CCDC178: variants seen among roughly 807,000 people sequenced by gnomAD.
CCDC178 encodes coiled-coil domain containing 178.
Under a neutral mutation model 117.4 loss-of-function variants are expected in CCDC178, and 126 were observed. That is an observed-to-expected ratio of 1.07 (90% CI 0.93 to 1.24). The LOEUF is 1.24. Among genes scored for constraint, CCDC178 ranks in the 50% most tolerant of loss-of-function variants. CCDC178 has a pLI of 0.00. For missense variants in CCDC178, 1,030 were observed against 986.9 expected, an observed-to-expected ratio of 1.04 and a Z score of -0.59; for synonymous variants, 283 against 313.4, an observed-to-expected ratio of 0.90 and a Z score of 1.02.
At chr18:33,361,582 A>G (rs1173694651) in intron 6 of CCDC178, among the ~76,000 whole-genome samples, 3 of 151,868 alleles carry the variant, frequency 2.0e-5, no homozygotes, top group Non-Finnish European at 2.9e-5. Flanking sequence ...AGTTAATATG[A>G]AAAATGTATT....
chr18:33,240,441 G>T (rs1272513506), intron 15 of CCDC178, among the ~76,000 whole-genome samples: 1 of 151,638 alleles, frequency 6.6e-6, no homozygotes, highest in Non-Finnish European at 1.5e-5. Flanking sequence ...AAAAGTCGAT[G>T]TTTTGAGAAA....
At chr18:33,007,190 A>G (rs1414114957) in intron 21 of CCDC178, among the ~76,000 whole-genome samples, 2 of 152,108 alleles carry the variant, frequency 1.3e-5, no homozygotes, top group Non-Finnish European at 2.9e-5. Flanking sequence ...CTATGTTCAC[A>G]GAATTTATAA....
chr18:33,113,436 T>C lies in CCDC178; in HGVS notation c.2239-20526A>G, dbSNP rs563166349. Among the ~76,000 whole-genome samples, 7 of 152,098 alleles carry C rather than the reference T, an allele frequency of 4.6e-5. 1 individual carries two copies. The South Asian group carries it at 1.5e-3, about 32-fold the overall frequency. On this transcript the variant is annotated intron_variant, in intron 20 of 22. Coordinates refer to ENST00000383096, the MANE Select transcript of CCDC178 (RefSeq NM_001105528.4). The stretch of plus-strand genomic sequence containing the variant: ...GGGGTTAAAATCTTAAATAAAAACT[T>C]TGGAATCAATAAAATAATTTCTGAG...
At position 33,223,102 on chromosome 18, in the gene CCDC178, T is replaced by C. The variant is rs1381069910; in HGVS notation, c.1932+4A>G. On this transcript the variant is annotated splice_donor_region_variant and intron_variant, in intron 18 of 22. Transcript: ENST00000383096. Reference sequence around the variant, plus strand: ...AAAATTAGATTCTGAACTTAAATTCTTACCTCAGTTTCTATTAATGCATCA... The same window carrying C: ...AAAATTAGATTCTGAACTTAAATTCCTACCTCAGTTTCTATTAATGCATCA... The C allele has an allele frequency of 4.4e-6, 7 of 1,577,004 alleles. No homozygotes were observed. Among genetic ancestry groups the C allele is most frequent in the African/African-American group, 1.4e-5 (1 of 73,272 alleles).
chr18:33,139,986 T>C (rs950619730), intron 20 of CCDC178, among the ~76,000 whole-genome samples: 9 of 152,090 alleles, frequency 5.9e-5, no homozygotes, highest in African/African-American at 2.2e-4. Context: ...GTGTCCCAGC[T>C]ACTCCAGCTG....
At chr18:33,408,365 G>T (rs2063809462) in intron 3 of CCDC178, among the ~76,000 whole-genome samples, 1 of 151,872 alleles carries the variant, frequency 6.6e-6, no homozygotes, top group Non-Finnish European at 1.5e-5. Context: ...CCAGCCTAGT[G>T]ATAGAGAAGA....
intron 20 of CCDC178, among the ~76,000 whole-genome samples, chr18:33,140,632 C>G (rs1487493321): frequency 1.3e-5 from 2 of 152,126 alleles, no homozygotes; most frequent in Non-Finnish European, 2.9e-5. Flanking sequence ...AATGTCTGTA[C>G]CCCCATTGTA....
intron 20 of CCDC178, among the ~76,000 whole-genome samples, chr18:33,184,683 T>C (rs8082980): frequency 0.046 from 6,961 of 152,080 alleles, 234 homozygotes; most frequent in East Asian, 0.11. Context: ...CTACAGGATT[T>C]TGTTTAATGA....
At position 33,025,884 on chromosome 18, in the gene CCDC178, G is replaced by A. The variant is rs8095965; in HGVS notation, c.2389-51203C>T. ...ATTGTACTCTCAGGCATTCGTCCCA[G>A]AGAAGTGACATGTTCACACAAAACC... On this transcript the variant is annotated intron_variant, in intron 21 of 22. Coordinates refer to ENST00000383096, the MANE Select transcript of CCDC178 (RefSeq NM_001105528.4). Among the ~76,000 whole-genome samples, 13 of 152,064 alleles carry A rather than the reference G, an allele frequency of 8.5e-5. No individual in the cohort carries two copies. In the South Asian group the frequency reaches 2.7e-3, roughly 32 times the overall value.
At chr18:33,293,784 G>C (rs551295652) in intron 11 of CCDC178, among the ~76,000 whole-genome samples, 1 of 152,120 alleles carries the variant, frequency 6.6e-6, no homozygotes, top group Admixed American at 6.6e-5. Context: ...ATACTACTTA[G>C]ATGTTAAGTA....
At chr18:33,162,868 T>C (rs1278639482) in intron 20 of CCDC178, among the ~76,000 whole-genome samples, 1 of 152,208 alleles carries the variant, frequency 6.6e-6, no homozygotes, top group Non-Finnish European at 1.5e-5. Flanking sequence ...TGTTTTTTTC[T>C]ATTGTGAATA....
intron 11 of CCDC178, among the ~76,000 whole-genome samples, chr18:33,302,816 AAAG>A (rs2062194551): frequency 1.3e-5 from 2 of 152,316 alleles, no homozygotes; most frequent in African/African-American, 2.4e-5. Context: ...AGTTGATCTC[AAAG>A]AAGAAGTAAA....
chr18:33,417,183 C>T lies in CCDC178; in HGVS notation c.-22-5073G>A, dbSNP rs186112086. Among the ~76,000 whole-genome samples, 417 of 152,214 alleles carry T rather than the reference C, an allele frequency of 2.7e-3. 3 individuals are homozygous for T. The highest frequency in any genetic ancestry group is 0.014 in the Middle Eastern group (4 of 294). The stretch of plus-strand genomic sequence containing the variant: ...TTGTCCACAATAGCCAAAACCTGCA[C>T]GCTACCTAGATGTCTCTCAGTGGGT... On this transcript the variant is annotated intron_variant, in intron 2 of 22. Transcript: ENST00000383096.
At chr18:33,338,390 A>T (rs908031305) in intron 9 of CCDC178, among the ~76,000 whole-genome samples, 3 of 152,192 alleles carry the variant, frequency 2.0e-5, no homozygotes, top group Non-Finnish European at 4.4e-5. Context: ...TGATCCAGCA[A>T]TCCCATTACT....
intron 2 of CCDC178, among the ~76,000 whole-genome samples, chr18:33,413,605 GA>G (rs1470576159): frequency 6.6e-6 from 1 of 151,906 alleles, no homozygotes; most frequent in East Asian, 1.9e-4. Flanking sequence ...AAGCATCTAA[GA>G]ATTAACAAGG....
chr18:33,077,145 G>A (rs271520), intron 21 of CCDC178, among the ~76,000 whole-genome samples: 21,621 of 152,092 alleles, frequency 0.14, 2,379 homozygotes, highest in African/African-American at 0.31. Flanking sequence ...AAATACTTTT[G>A]CATTTAAAGA....
At chr18:33,260,063 A>G (rs1412351028) in intron 14 of CCDC178, among the ~76,000 whole-genome samples, 1 of 152,078 alleles carries the variant, frequency 6.6e-6, no homozygotes, top group Non-Finnish European at 1.5e-5. Flanking sequence ...ACATATATAT[A>G]TATATTACAC....
chr18:33,175,747 T>G (rs2058657652), intron 20 of CCDC178, among the ~76,000 whole-genome samples: 2 of 152,132 alleles, frequency 1.3e-5, no homozygotes, highest in South Asian at 4.2e-4. Context: ...AGAAAGAAGC[T>G]TAAAGCCTGT....
In CCDC178 at chr18:33,180,541, T is replaced by C. The variant is rs1330362581; in HGVS notation, c.2238+31355A>G. Among the ~76,000 whole-genome samples the C allele has an allele frequency of 9.9e-5, 15 of 152,140 alleles. No individual in the cohort carries two copies. The East Asian group carries it at 2.9e-3, about 29-fold the overall frequency. On this transcript the variant is annotated intron_variant, in intron 20 of 22. Coordinates refer to ENST00000383096, the MANE Select transcript of CCDC178 (RefSeq NM_001105528.4). ...AGACTTAGAATAAAAATTACATTTT[T>C]CTGTCTATGTGTTGCTACAATTTTA...
Sources: gnomAD v4.1 joint callset for allele counts (sites outside exome capture counted in the v4.1 genomes callset) on GRCh38, gnomAD v4.1.1 for gene constraint, MANE v1.5 for transcripts, NCBI Gene and HGNC (gene_info 2026-07-23, HGNC 2026-07-21) for gene names.